The following THRA variants were observed in gnomAD, a reference collection of about 807,000 sequenced individuals.
The protein encoded by THRA is EAR-7.
Under a neutral mutation model 45.0 loss-of-function variants are expected in THRA, and 13 were observed. The observed-to-expected ratio is 0.29, with a 90% CI of 0.19 to 0.46. The LOEUF (loss-of-function observed/expected upper bound fraction) is 0.46. Among genes scored for constraint, THRA ranks in the 20% least tolerant of loss-of-function variants. The pLI is 1.00. For missense variants in THRA, 278 were observed against 556.1 expected (o/e 0.50, Z 5.03); for synonymous variants, 195 against 214.0 (o/e 0.91, Z 0.78).
chr17:40,069,899 A>G (rs1340574365), intron 1 of THRA, among the ~76,000 whole-genome samples: 5 of 151,620 alleles, frequency 3.3e-5, no homozygotes, highest in African/African-American at 4.9e-5. Context: ...GGGTGAGGCT[A>G]TGGGGGAGCC....
At position 40,092,877 on chromosome 17, in the gene THRA, A is replaced by G. The variant is rs1987635617; in HGVS notation, c.*3421A>G. The stretch of plus-strand genomic sequence containing the variant: ...GTTGTGGGGGAGACAGAGTGGTTTA[A>G]ATAGGGGAGGAGGGGAAGTTCGGTG... On this transcript the variant is annotated 3_prime_UTR_variant, in exon 9 of 9. Transcript: ENST00000450525. 8.1e-7 allele frequency: 1 copy of G among 1,237,400 alleles called. No homozygotes were observed. The highest frequency in any genetic ancestry group is 1.5e-5 in the African/African-American group (1 of 65,556). The allele number at this position is 1,237,400 out of a possible 1,614,324, so 76.7% of individuals were successfully genotyped here.
At chr17:40,080,371 C>T (rs1987095464) in intron 4 of THRA, among the ~76,000 whole-genome samples, 1 of 151,562 alleles carries the variant, frequency 6.6e-6, no homozygotes, top group Admixed American at 6.6e-5. Context: ...AGCCATTGCA[C>T]TCCAGCCTGG....
chr17:40,076,913 A>G lies in THRA; in HGVS notation c.96A>G (p.Gln32=). The G allele has an allele frequency of 6.2e-7, 1 of 1,614,130 alleles. No individual in the cohort carries two copies. Among genetic ancestry groups the G allele is most frequent in the Admixed American group, 1.7e-5 (1 of 60,008 alleles). ...GAAAGCGAAAAAGAAAGAACGGCCA[A>G]TGTTCCCTGAAAACCAGCATGTCAG... is the stretch of plus-strand genomic sequence containing the variant. ...PDGKRKRKNG[Q]CSLKTSMSGY... Residue 32 remains glutamine (Q), a synonymous_variant, in exon 3 of 9, where the codon CAA becomes CAG. Transcript: ENST00000450525.
intron 4 of THRA, among the ~76,000 whole-genome samples, chr17:40,081,231 C>T (rs1248503084): frequency 6.6e-6 from 1 of 151,980 alleles, no homozygotes; most frequent in African/African-American, 2.4e-5. Flanking sequence ...TGTGATGTTC[C>T]ATGAAAGACA....
chr17:40,085,073 CT>C (rs1307449040), intron 6 of THRA, among the ~76,000 whole-genome samples: 1 of 152,166 alleles, frequency 6.6e-6, no homozygotes, highest in East Asian at 1.9e-4. Context: ...CGGGAGCGAC[CT>C]TTCTTCTTTT....
At chr17:40,082,705 G>A (rs963875500) in intron 4 of THRA, among the ~76,000 whole-genome samples, 2 of 149,442 alleles carry the variant, frequency 1.3e-5, no homozygotes, top group Middle Eastern at 3.6e-3. Context: ...TCAAACCTAG[G>A]ACCTTCTGCA....
intron 1 of THRA, chr17:40,069,074 C>G (rs1177538404): frequency 1.3e-5 from 2 of 151,342 alleles, no homozygotes; most frequent in Non-Finnish European, 3.0e-5. Flanking sequence ...CGCGCGCGCT[C>G]TCTCCCTCCC....
chr17:40,072,507 C>T (rs1986811711), intron 1 of THRA, among the ~76,000 whole-genome samples: 1 of 152,116 alleles, frequency 6.6e-6, no homozygotes, highest in Admixed American at 6.5e-5. Context: ...GCGGGGGCAG[C>T]ACCACAGCCA....
chr17:40,066,259 C>A (rs1986560257), intron 1 of THRA, among the ~76,000 whole-genome samples: 1 of 152,172 alleles, frequency 6.6e-6, no homozygotes, highest in South Asian at 2.1e-4. Context: ...CTATGCTCCC[C>A]TCTAGCCTTG....
intron 4 of THRA, 91 bp downstream of exon 4, chr17:40,077,699 T>C: frequency 2.2e-6 from 2 of 907,490 alleles, no homozygotes; most frequent in South Asian, 1.7e-5. Context: ...GGTCATCACT[T>C]TTTTTTTTTT....
chr17:40,073,016 G>A (rs1184691511), intron 1 of THRA, among the ~76,000 whole-genome samples: 17 of 152,186 alleles, frequency 1.1e-4, no homozygotes, highest in Admixed American at 1.3e-4. Flanking sequence ...GCTTGCCTGG[G>A]TGCAGAGGCC....
intron 4 of THRA, among the ~76,000 whole-genome samples, chr17:40,082,421 T>C (rs1176935231): frequency 6.6e-6 from 1 of 151,536 alleles, no homozygotes; most frequent in African/African-American, 2.4e-5. Context: ...GAAGTCTCAC[T>C]CTTGTCACCC....
At chr17:40,067,995 G>T (rs150669183) in intron 1 of THRA, among the ~76,000 whole-genome samples, 1 of 152,300 alleles carries the variant, frequency 6.6e-6, no homozygotes, top group South Asian at 2.1e-4. Flanking sequence ...ACTCTAGCCT[G>T]AACAACAGAG....
chr17:40,069,040 G>A (rs1205164793), intron 1 of THRA: 2 of 152,518 alleles, frequency 1.3e-5, no homozygotes, highest in Non-Finnish European at 2.9e-5. Context: ...GTCCGTGTGT[G>A]TGCCGGAGAC....
At chr17:40,072,544 C>G (rs928211540) in intron 1 of THRA, among the ~76,000 whole-genome samples, 1 of 152,122 alleles carries the variant, frequency 6.6e-6, no homozygotes. Context: ...GAGGCACAGC[C>G]TGGGGGGCAG....
intron 7 of THRA, among the ~76,000 whole-genome samples, chr17:40,087,492 C>T (rs997143348): frequency 6.6e-6 from 1 of 152,280 alleles, no homozygotes; most frequent in African/African-American, 2.4e-5. Flanking sequence ...GGCACACACA[C>T]ACAGCATACA....
At chr17:40,082,886 C>T (rs1343361315) in intron 4 of THRA, among the ~76,000 whole-genome samples, 7 of 150,752 alleles carry the variant, frequency 4.6e-5, no homozygotes, top group Non-Finnish European at 8.9e-5. Flanking sequence ...CTGCCTCAGC[C>T]TCCTGAGTAG....
intron 7 of THRA, 140 bp downstream of exon 7, chr17:40,086,993 GAC>G (rs146605509): frequency 2.9e-3 from 2,939 of 1,029,746 alleles, no homozygotes; most frequent in Non-Finnish European, 3.2e-3. Context: ...AACATACACA[GAC>G]ACACACACAC....
At chr17:40,074,016 C>T (rs183251471) in intron 1 of THRA, among the ~76,000 whole-genome samples, 176 bp from the exon 2 acceptor site, 53 of 152,236 alleles carry the variant, frequency 3.5e-4, no homozygotes, top group Middle Eastern at 6.8e-3. Context: ...TCTCCAATCT[C>T]GCCTGCTGTA....
Sources: allele counts gnomAD v4.1 joint callset (sites outside exome capture counted in the v4.1 genomes callset), GRCh38; gene constraint gnomAD v4.1.1; transcripts MANE v1.5; gene names NCBI Gene and HGNC (gene_info 2026-07-23, HGNC 2026-07-21).